The following GATAD1 variants were observed in gnomAD, a reference collection of about 807,000 sequenced individuals.
GATAD1 encodes GATA zinc finger domain containing 1, also known as GATA zinc finger domain-containing protein 1.
In GATAD1, 12 loss-of-function variants were observed where a neutral mutation model predicts 26.5. That is an observed-to-expected ratio of 0.45 (90% CI 0.29 to 0.73). GATAD1 has a LOEUF of 0.73. Ranked by LOEUF, GATAD1 falls within the 30% of genes least tolerant of loss-of-function variation. The probability of loss-of-function intolerance (pLI) is 0.10; values close to 1 mark genes in which losing one functional copy is unlikely to be tolerated. For missense variants in GATAD1, 266 were observed against 342.1 expected, an observed-to-expected ratio of 0.78 and a Z score of 1.75; for synonymous variants, 129 against 133.1, an observed-to-expected ratio of 0.97 and a Z score of 0.21.
chr7:92,464,590 A>G (rs1790034742), downstream of GATAD1, among the ~76,000 whole-genome samples: 1 of 152,208 alleles, frequency 6.6e-6, no homozygotes, highest in South Asian at 2.1e-4. Context: ...TAGAAATAAT[A>G]ATCATCTGTC....
downstream of GATAD1, among the ~76,000 whole-genome samples, chr7:92,460,544 A>C (rs994277733): frequency 2.6e-5 from 4 of 152,238 alleles, no homozygotes; most frequent in Admixed American, 2.6e-4. Context: ...GATTGCTCGT[A>C]GTAGCGGAAA....
the GATAD1 span, chr7:92,492,979 C>CA: frequency 5.0e-6 from 8 of 1,613,826 alleles, no homozygotes; most frequent in Non-Finnish European, 6.8e-6. Flanking sequence ...AGCAGCATTC[C>CA]ATGTAAGGCC....
At chr7:92,469,964 G>A in the GATAD1 span, 1 of 777,224 alleles carries the variant, frequency 1.3e-6, no homozygotes, top group Non-Finnish European at 2.4e-6. Flanking sequence ...GAGGTGCCAT[G>A]TACCCGGGTG....
the GATAD1 span, among the ~76,000 whole-genome samples, chr7:92,481,081 G>C: frequency 9.4e-4 from 143 of 152,278 alleles, no homozygotes; most frequent in Non-Finnish European, 1.7e-3. Context: ...TAGCCTCAAT[G>C]ATGGATGTGG....
the GATAD1 span, chr7:92,490,045 T>G: frequency 1.3e-6 from 1 of 747,508 alleles, no homozygotes; most frequent in Non-Finnish European, 2.3e-6. Flanking sequence ...GTTAATTAAC[T>G]GAAATTAAGC....
At chr7:92,469,519 C>T in the GATAD1 span, 1 of 768,122 alleles carries the variant, frequency 1.3e-6, no homozygotes, top group South Asian at 1.4e-5. Context: ...TGAGAGGAAG[C>T]ACATAGATTC....
At chr7:92,491,585 A>G in the GATAD1 span, 1 of 822,210 alleles carries the variant, frequency 1.2e-6, no homozygotes, top group African/African-American at 1.7e-5. Flanking sequence ...ATAGCATTCT[A>G]TTAGAGCAAT....
the GATAD1 span, among the ~76,000 whole-genome samples, chr7:92,478,486 C>T: frequency 1.3e-5 from 2 of 151,980 alleles, no homozygotes; most frequent in Non-Finnish European, 2.9e-5. Context: ...ATAAGTGGCT[C>T]GTGGGGTGGC....
the GATAD1 span, chr7:92,489,631 A>G: frequency 3.0e-5 from 39 of 1,289,720 alleles, no homozygotes; most frequent in Middle Eastern, 3.7e-4. Flanking sequence ...TAGCTCGTTT[A>G]TAAGTCAAAG....
the GATAD1 span, among the ~76,000 whole-genome samples, chr7:92,466,513 A>G: frequency 6.6e-6 from 1 of 152,240 alleles, no homozygotes; most frequent in South Asian, 2.1e-4. Context: ...TAATTTAAAA[A>G]ACAAAATCTT....
chr7:92,494,765 C>A, the GATAD1 span: 1 of 444,684 alleles, frequency 2.2e-6, no homozygotes, highest in Non-Finnish European at 3.6e-6. Context: ...TACAACAAAC[C>A]CTTAAAGAAG....
rs1286443688 is a variant in GATAD1 at position 92,459,912 on chromosome 7, CTT to C, written c.*3353_*3354del. 3.3e-5 allele frequency among the ~76,000 whole-genome samples: 5 copies of C among 152,174 alleles called. No homozygotes were observed. The highest frequency in any genetic ancestry group is 2.1e-4 in the South Asian group (1 of 4,834). ...TAATTCATATTAACTTTGGCTGAAA[CTT>C]TTAAATTCTATTGTGAATAGTCAAG... On this transcript the variant is annotated 3_prime_UTR_variant, in exon 5 of 5. Coordinates refer to ENST00000287957, the MANE Select transcript of GATAD1 (RefSeq NM_021167.5).
At chr7:92,489,372 T>TA in the GATAD1 span, 1 of 1,611,524 alleles carries the variant, frequency 6.2e-7, no homozygotes, top group South Asian at 1.1e-5. Flanking sequence ...TGTGACTGAC[T>TA]AATAGCCAGT....
chr7:92,448,526 C>T (rs111927502), intron 1 of GATAD1, among the ~76,000 whole-genome samples: 7 of 152,160 alleles, frequency 4.6e-5, no homozygotes, highest in African/African-American at 1.7e-4. Flanking sequence ...TTTGGAGGCT[C>T]TGGAGACGCC....
chr7:92,465,740 T>C, the GATAD1 span, among the ~76,000 whole-genome samples: 1 of 152,198 alleles, frequency 6.6e-6, no homozygotes, highest in African/African-American at 2.4e-5. Flanking sequence ...TGGTGGCTCA[T>C]GCCTGTAATC....
the GATAD1 span, chr7:92,494,227 A>G: frequency 8.4e-7 from 1 of 1,188,068 alleles, no homozygotes; most frequent in Admixed American, 1.8e-5. Context: ...ACCTGGCAGA[A>G]GTAAAGCTCA....
chr7:92,488,761 G>A, the GATAD1 span, among the ~76,000 whole-genome samples: 10 of 139,804 alleles, frequency 7.2e-5, no homozygotes, highest in East Asian at 6.2e-4. Context: ...ACACAGTCTC[G>A]CTCTGTGGCC....
chr7:92,478,946 G>T, the GATAD1 span, among the ~76,000 whole-genome samples: 1 of 152,144 alleles, frequency 6.6e-6, no homozygotes, highest in Non-Finnish European at 1.5e-5. Context: ...TGAGGTGGGA[G>T]GGCCAGGTTT....
intron 2 of GATAD1, chr7:92,449,977 T>C (rs917418372): frequency 6.6e-6 from 1 of 152,238 alleles, no homozygotes; most frequent in African/African-American, 2.4e-5. Flanking sequence ...AGTGAGGCAT[T>C]TGTTGATTAC....
Sources: allele counts gnomAD v4.1 joint callset (sites outside exome capture counted in the v4.1 genomes callset), GRCh38; gene constraint gnomAD v4.1.1; transcripts MANE v1.5; gene names NCBI Gene and HGNC (gene_info 2026-07-23, HGNC 2026-07-21).